Variants in CARMIL2 observed in about 807,000 individuals in gnomAD.
The protein encoded by CARMIL2 is capping protein regulator and myosin 1 linker 2, also known as capping protein, Arp2/3 and myosin-I linker protein 2.
A neutral mutation model predicts 173.3 loss-of-function variants in CARMIL2; 96 were observed. The observed-to-expected ratio is 0.55, with a 90% confidence interval of 0.47 to 0.66. The LOEUF is 0.66. Ranked by LOEUF, CARMIL2 falls within the 30% of genes least tolerant of loss-of-function variation. The probability of loss-of-function intolerance (pLI) is 0.00; values close to 1 mark genes in which losing one functional copy is unlikely to be tolerated. For missense variants in CARMIL2, 1,771 were observed against 1,906.7 expected, an observed-to-expected ratio of 0.93 and a Z score of 1.33; for synonymous variants, 830 against 817.1, an observed-to-expected ratio of 1.02 and a Z score of -0.27.
Position 67,653,461 on chromosome 16 carries a change from G to T in CARMIL2, c.3120+207G>T, listed in dbSNP as rs954250339. Among the ~76,000 whole-genome samples, 13 of 151,838 alleles carry T rather than the reference G, an allele frequency of 8.6e-5. No homozygotes were observed. The highest frequency in any genetic ancestry group is 1.5e-4 in the Non-Finnish European group (10 of 67,884). ...GCGGGACCATGGGTGTGCGGGTTCC[G>T]TTCGGGGTGTGCCTGGGTGTGGGAC... is the stretch of plus-strand genomic sequence containing the variant. On this transcript the variant is annotated intron_variant, in intron 29 of 37. Transcript: ENST00000334583. The surrounding 1 kb of genome is among the most constrained non-coding windows in gnomAD (Gnocchi z 7.4).
chr16:67,654,082 G>GA (rs1240407206), intron 29 of CARMIL2, 67 bp from the exon 30 acceptor site: 1 of 208,996 alleles, frequency 4.8e-6, no homozygotes, highest in Non-Finnish European at 6.9e-6. Flanking sequence ...CTGCCGGCCG[G>GA]GGGGGGGGGG....
At position 67,651,719 on chromosome 16, in the gene CARMIL2, G is replaced by T; in HGVS notation, c.2462G>T (p.Ser821Ile). 1 of 1,607,068 alleles carries T rather than the reference G, an allele frequency of 6.2e-7. No individual in the cohort carries two copies. Residue 821 changes from serine to isoleucine, a missense_variant, in exon 25 of 38, where the codon AGC becomes ATC. Physicochemically the swap from Ser to Ile is moderately radical, Grantham distance 142. Coordinates refer to ENST00000334583, the MANE Select transcript of CARMIL2 (RefSeq NM_001013838.3). The surrounding 1 kb of genome is among the most constrained non-coding windows in gnomAD (Gnocchi z 4.2). ...CAGGCCACACTGGACACAGCAAGGA[G>T]CCTCTGCCCACAGATGCTGCAGGGA... is the stretch of plus-strand genomic sequence containing the variant. ...FTQATLDTAR[S>I]LCPQMLQGSS...
At position 67,649,437 on chromosome 16, in the gene CARMIL2, T is replaced by C. The variant is rs936235815; in HGVS notation, c.1747-10T>C. On this transcript the variant is annotated splice_polypyrimidine_tract_variant and intron_variant, in intron 19 of 37. Transcript: ENST00000334583. This position sits in a 1 kb window ranked among gnomAD's most constrained non-coding sequence, Gnocchi z 6.7. ...GACTCCAGCCATCAATGGCTTTCTCTTAACCCCAGCCTCTTCAGTCTCTGT... is the reference window on the plus strand; with the variant it reads ...GACTCCAGCCATCAATGGCTTTCTCCTAACCCCAGCCTCTTCAGTCTCTGT... 3 of 1,611,978 alleles carry C rather than the reference T, an allele frequency of 1.9e-6. No individual in the cohort carries two copies. The highest frequency in any genetic ancestry group is 1.7e-5 in the Admixed American group (1 of 60,014).
Position 67,648,270 on chromosome 16 carries a change from C to T in CARMIL2, c.1290C>T (p.Thr430=), listed in dbSNP as rs762623565. 20 of 1,598,738 alleles carry T rather than the reference C, an allele frequency of 1.3e-5. No individual in the cohort carries two copies. In the Admixed American group the frequency reaches 3.2e-4, roughly 26 times the overall value. The part of the protein sequence containing the change: ...LFAAVSRGCC[T]SLTHLDASRN... ...CAGCGGTATCCCGAGGCTGCTGCAC[C>T]AGCCTTACCCACCTCGACGCTTCGA... Residue 430 remains threonine, a synonymous_variant, in exon 14 of 38, where the codon ACC becomes ACT. Transcript: ENST00000334583. This position sits in a 1 kb window ranked among gnomAD's most constrained non-coding sequence, Gnocchi z 6.1.
rs1030537852 is a variant in CARMIL2, at chr16:67,645,251, C to G, written c.5C>G (p.Ala2Gly). 1.3e-6 allele frequency: 2 copies of G among 1,599,058 alleles called. No homozygotes were observed. The highest frequency in any genetic ancestry group is 1.7e-6 in the Non-Finnish European group (2 of 1,173,848). Reference protein sequence around the residue: MAQTPDGISCEL... With the variant: MGQTPDGISCEL... ...CCTCCCCGGCCCGCCCGGCCCATGG[C>G]CCAGACCCCCGACGGCATCTCCTGT... Residue 2 changes from alanine to glycine, a missense_variant, in exon 1 of 38, where the codon GCC becomes GGC. Around this residue, in one of 3 missense-constraint regions of CARMIL2, gnomAD observed 944 missense variants for 975.6 expected, o/e 0.97. Transcript: ENST00000334583.
chr16:67,654,203 G>T lies in CARMIL2; in HGVS notation c.3175G>T (p.Gly1059Cys), dbSNP rs1276620861. The part of the protein sequence containing the change: ...GNGLSARVDE[G>C]VEEFFSKRLI... ...TGGGCTCAGTGCCCGCGTGGACGAG[G>T]GCGTGGAGGAATTCTTCTCCAAAAG... The change falls in exon 30 of 38, where the codon GGC becomes TGC. Residue 1059 changes from glycine to cysteine, a missense_variant. By Grantham distance (159) the Gly-to-Cys change is radical. Around this residue, in one of 3 missense-constraint regions of CARMIL2, gnomAD observed 817 missense variants for 903.5 expected, o/e 0.90. Coordinates refer to ENST00000334583, the MANE Select transcript of CARMIL2 (RefSeq NM_001013838.3). The T allele has an allele frequency of 6.4e-7, 1 of 1,571,716 alleles. No individual in the cohort carries two copies. The highest frequency in any genetic ancestry group is 1.4e-5 in the African/African-American group (1 of 74,042).
Position 67,649,429 on chromosome 16 carries a change from G to C in CARMIL2, c.1747-18G>C, listed in dbSNP as rs1405524220. The stretch of plus-strand genomic sequence containing the variant: ...TGACCCCTGACTCCAGCCATCAATG[G>C]CTTTCTCTTAACCCCAGCCTCTTCA... On this transcript the variant is annotated intron_variant, in intron 19 of 37. Transcript: ENST00000334583. This position sits in a 1 kb window ranked among gnomAD's most constrained non-coding sequence, Gnocchi z 6.7. The C allele has an allele frequency of 6.2e-7, 1 of 1,611,802 alleles. No homozygotes were observed. The highest frequency in any genetic ancestry group is 8.5e-7 in the Non-Finnish European group (1 of 1,179,860).
Position 67,648,013 on chromosome 16 carries a change from G to A in CARMIL2, c.1072-39G>A, listed in dbSNP as rs368278012. ...GGGGTTGCTCATAAGCCCTGGGTAG[G>A]CGATCCCCCACTCCATCGCACCCCT... On this transcript the variant is annotated intron_variant, in intron 13 of 37. Transcript: ENST00000334583. This position sits in a 1 kb window ranked among gnomAD's most constrained non-coding sequence, Gnocchi z 6.1. 123 of 1,608,072 alleles carry A rather than the reference G, an allele frequency of 7.6e-5. 2 individuals are homozygous for A. The African/African-American group carries it at 1.3e-3, about 17-fold the overall frequency.
Position 67,653,319 on chromosome 16 carries a change from T to C in CARMIL2, c.3120+65T>C. The C allele has an allele frequency of 1.2e-6, 1 of 821,568 alleles. No individual in the cohort carries two copies. The allele number at this position is 821,568 out of a possible 1,614,324, so 50.9% of individuals were successfully genotyped here. A position where few individuals can be genotyped will look rare whatever the true frequency, so the allele number is the denominator to read the frequency against. Reference sequence around the variant, plus strand: ...GGATCACGGGTGGCCCGGCCGCTCCTCATGGGTGGTAGCGGTCAAGGAGAG... The same window carrying C: ...GGATCACGGGTGGCCCGGCCGCTCCCCATGGGTGGTAGCGGTCAAGGAGAG... On this transcript the variant is annotated intron_variant, in intron 29 of 37. Transcript: ENST00000334583. The surrounding 1 kb of genome is among the most constrained non-coding windows in gnomAD (Gnocchi z 7.4).
In CARMIL2 at chr16:67,653,201, C is replaced by A. The variant is rs1235773850; in HGVS notation, c.3067C>A (p.Arg1023=). ...GQPLRHPTRA[R]PRPRRQHHHR... is the part of the protein sequence containing the mutation. ...GCCCCTGCGCCATCCGACCCGGGCC[C>A]GGCCGCGGCCGCGCCGCCAGCACCA... is the stretch of plus-strand genomic sequence containing the variant. Residue 1023 remains arginine (R), a synonymous_variant, in exon 29 of 38, where the codon CGG becomes AGG. Transcript: ENST00000334583. The surrounding 1 kb of genome is among the most constrained non-coding windows in gnomAD (Gnocchi z 7.4). 8.9e-7 allele frequency: 1 copy of A among 1,128,820 alleles called. No individual in the cohort carries two copies. Among genetic ancestry groups the A allele is most frequent in the Non-Finnish European group, 1.1e-6 (1 of 921,688 alleles). The allele number at this position is 1,128,820 out of a possible 1,614,324, so 69.9% of individuals were successfully genotyped here.
chr16:67,656,354 G>C (rs1045540353), intron 34 of CARMIL2, 55 bp downstream of exon 34: 2 of 1,609,106 alleles, frequency 1.2e-6, no homozygotes, highest in African/African-American at 1.3e-5. Flanking sequence ...GGCAGGAGTT[G>C]GGTCAGACTG....
chr16:67,649,053 T>C lies in CARMIL2; in HGVS notation c.1592-23T>C, dbSNP rs1163561292. 2 of 1,609,236 alleles carry C rather than the reference T, an allele frequency of 1.2e-6. No homozygotes were observed. The highest frequency in any genetic ancestry group is 2.7e-5 in the African/African-American group (2 of 74,818). On this transcript the variant is annotated intron_variant, in intron 17 of 37. Coordinates refer to ENST00000334583, the MANE Select transcript of CARMIL2 (RefSeq NM_001013838.3). This position sits in a 1 kb window ranked among gnomAD's most constrained non-coding sequence, Gnocchi z 6.7. ...ACCCTACCCTTGCAACTTCGCCTCGTGCGTGACCCGAGTCACCCCCAGGCT... is the reference window on the plus strand; with the variant it reads ...ACCCTACCCTTGCAACTTCGCCTCGCGCGTGACCCGAGTCACCCCCAGGCT...
chr16:67,656,097 A>C (rs367798310), intron 33 of CARMIL2, 30 bp downstream of exon 33: 55 of 1,609,496 alleles, frequency 3.4e-5, no homozygotes, highest in Admixed American at 8.5e-5. Flanking sequence ...GTGGCAGTAC[A>C]TTTGCCAGGA....
chr16:67,646,029 G>T lies in CARMIL2; in HGVS notation c.198G>T (p.Thr66=), dbSNP rs372198712. 4.7e-5 allele frequency: 76 copies of T among 1,613,678 alleles called. No individual in the cohort carries two copies. The highest frequency in any genetic ancestry group is 6.1e-5 in the Non-Finnish European group (72 of 1,179,900). Residue 66 remains threonine, a synonymous_variant, in exon 4 of 38, where the codon ACG becomes ACT. Transcript: ENST00000334583. The surrounding 1 kb of genome is among the most constrained non-coding windows in gnomAD (Gnocchi z 4.6). ...TTCLPLRVDC[T]FSYLEVQAMA... Reference sequence around the variant, plus strand: ...TAGGCCCTTTCTAGGTGGACTGCACGTTCAGCTACCTGGAGGTCCAGGCCA... The same window carrying T: ...TAGGCCCTTTCTAGGTGGACTGCACTTTCAGCTACCTGGAGGTCCAGGCCA...
chr16:67,654,537 A>G lies in CARMIL2; in HGVS notation c.3427A>G (p.Ser1143Gly). 6.2e-7 allele frequency: 1 copy of G among 1,612,020 alleles called. No homozygotes were observed. Among genetic ancestry groups the G allele is most frequent in the Non-Finnish European group, 8.5e-7 (1 of 1,179,464 alleles). The change falls in exon 31 of 38, where the codon AGC becomes GGC. Residue 1143 changes from serine to glycine, a missense_variant. Physicochemically the swap from Ser to Gly is moderately conservative, Grantham distance 56 (BLOSUM62 0). Coordinates refer to ENST00000334583, the MANE Select transcript of CARMIL2 (RefSeq NM_001013838.3). ...GDLLRPPTRPSRGEELGGAEG... is the reference protein window; with the variant it reads ...GDLLRPPTRPGRGEELGGAEG... ...CCTACTGCGGCCGCCAACCCGTCCC[A>G]GCCGTGGTGAGGAGCTTGGTGGGGC...
rs1048206713 is a variant in CARMIL2, at chr16:67,656,631, G to T, written c.4022G>T (p.Gly1341Val). The change falls in exon 35 of 38, where the codon GGC (glycine) becomes GTC (valine). Residue 1341 changes from glycine to valine, a missense_variant. Gly to Val is a moderately radical substitution (Grantham distance 109). Coordinates refer to ENST00000334583, the MANE Select transcript of CARMIL2 (RefSeq NM_001013838.3). ...GGCCTCCCAGAGGACCCTTGCTTGGGCCCCAGAAATGAAGGTAGGCAGGCA... is the reference window on the plus strand; with the variant it reads ...GGCCTCCCAGAGGACCCTTGCTTGGTCCCCAGAAATGAAGGTAGGCAGGCA... ...SLGLPEDPCL[G>V]PRNEDGQLRP... is the part of the protein sequence containing the mutation. The T allele has an allele frequency of 9.4e-6, 15 of 1,590,716 alleles. No individual in the cohort carries two copies. The highest frequency in any genetic ancestry group is 1.1e-5 in the South Asian group (1 of 89,788).
Position 67,648,138 on chromosome 16 carries a change from G to T in CARMIL2, c.1158G>T (p.Gly386=), listed in dbSNP as rs1248482730. Residue 386 remains glycine, a synonymous_variant, in exon 14 of 38, where the codon GGG becomes GGT. Transcript: ENST00000334583. The surrounding 1 kb of genome is among the most constrained non-coding windows in gnomAD (Gnocchi z 6.1). The stretch of plus-strand genomic sequence containing the variant: ...ACACTGCCCTGGACACTGTGAGGGG[G>T]TGCTCCGTGGGGGGATGGATGACCG... ...GTDTALDTVR[G]CSVGGWMTGR... The T allele has an allele frequency of 6.2e-7, 1 of 1,612,792 alleles. No individual in the cohort carries two copies. The highest frequency in any genetic ancestry group is 1.1e-5 in the South Asian group (1 of 90,954).
At chr16:67,645,501 G>A (rs768255859) in intron 1 of CARMIL2, 39 bp from the exon 2 acceptor site, 8 of 1,527,848 alleles carry the variant, frequency 5.2e-6, no homozygotes, top group Non-Finnish European at 6.2e-6. Context: ...TGGCTTCTGT[G>A]CAAGGACTGA....
At position 67,649,827 on chromosome 16, in the gene CARMIL2, C is replaced by A; in HGVS notation, c.1941C>A (p.Asn647Lys). The A allele has an allele frequency of 1.2e-6, 2 of 1,612,458 alleles. No individual in the cohort carries two copies. Among genetic ancestry groups the A allele is most frequent in the East Asian group, 2.2e-5 (1 of 44,866 alleles). The change falls in exon 21 of 38, where the codon AAC becomes AAA. Residue 647 changes from asparagine to lysine, a missense_variant. By Grantham distance (94) the Asn-to-Lys change is moderately conservative. Around this residue, in one of 3 missense-constraint regions of CARMIL2, gnomAD observed 944 missense variants for 975.6 expected, o/e 0.97. Transcript: ENST00000334583. The surrounding 1 kb of genome is among the most constrained non-coding windows in gnomAD (Gnocchi z 6.7). ...SRLRSVVWDR[N>K]HTSALGLLDV... is the part of the protein sequence containing the mutation. ...CCAGGTCTGTGGTCTGGGACCGGAACCACACATCTGCTTTGGGTCTGCTGG... is the reference window on the plus strand; with the variant it reads ...CCAGGTCTGTGGTCTGGGACCGGAAACACACATCTGCTTTGGGTCTGCTGG...
Sources: allele counts gnomAD v4.1 joint callset (sites outside exome capture counted in the v4.1 genomes callset), GRCh38; gene constraint gnomAD v4.1.1; regional missense constraint gnomAD v4.1.1; non-coding constraint Gnocchi (gnomAD v3.1); transcripts MANE v1.5; gene names NCBI Gene and HGNC (gene_info 2026-07-23, HGNC 2026-07-21).